KPNA1: variants seen among roughly 807,000 people sequenced by gnomAD.
KPNA1 encodes importin subunit alpha-5.
Under a neutral mutation model 70.5 loss-of-function variants are expected in KPNA1, and 10 were observed. The ratio of observed to expected loss-of-function variants is 0.14; its 90% confidence interval spans 0.09 to 0.24. The LOEUF is 0.24. Among genes scored for constraint, KPNA1 ranks in the 10% least tolerant of loss-of-function variants. The probability of loss-of-function intolerance (pLI) is 1.00; values close to 1 mark genes in which losing one functional copy is unlikely to be tolerated. For missense variants in KPNA1, 397 were observed against 637.9 expected (o/e 0.62, Z 4.07); for synonymous variants, 192 against 221.9 (o/e 0.87, Z 1.20).
intron 2 of KPNA1, among the ~76,000 whole-genome samples, chr3:122,489,884 ATTTGTCAGGT>A (rs1263601272): frequency 1.3e-5 from 2 of 152,146 alleles, no homozygotes; most frequent in Non-Finnish European, 2.9e-5. Context: ...CCTTGTTTTC[ATTTGTCAGGT>A]TAAGTATGGA....
intron 7 of KPNA1, 70 bp downstream of exon 7, chr3:122,451,906 C>T: frequency 3.2e-6 from 3 of 950,316 alleles, no homozygotes; most frequent in Non-Finnish European, 4.9e-6. Flanking sequence ...ACATGTAATG[C>T]TTTCTGAGGA....
chr3:122,496,194 T>A (rs1047044865), intron 2 of KPNA1, among the ~76,000 whole-genome samples: 3 of 152,138 alleles, frequency 2.0e-5, no homozygotes, highest in African/African-American at 7.2e-5. Context: ...GGTGAAAATA[T>A]TGAATAGTGT....
intron 1 of KPNA1, among the ~76,000 whole-genome samples, chr3:122,500,662 T>A (rs139661630): frequency 6.6e-6 from 1 of 151,848 alleles, no homozygotes; most frequent in African/African-American, 2.4e-5. Flanking sequence ...ATTATTATTA[T>A]ATATTGGGCT....
At chr3:122,495,726 CAAAAAAAAA>C (rs397876048) in intron 2 of KPNA1, among the ~76,000 whole-genome samples, 4 of 67,948 alleles carry the variant, frequency 5.9e-5, no homozygotes, top group Admixed American at 3.8e-4. Context: ...CTCTCCTTAG[CAAAAAAAAA>C]AAAAAAAAAA....
intron 1 of KPNA1, among the ~76,000 whole-genome samples, chr3:122,499,076 C>T (rs1003238769): frequency 2.6e-5 from 4 of 152,162 alleles, no homozygotes; most frequent in Non-Finnish European, 5.9e-5. Context: ...TTGTATTTTA[C>T]AATCCTGCTG....
intron 9 of KPNA1, among the ~76,000 whole-genome samples, chr3:122,444,240 A>G (rs1394112444): frequency 6.6e-6 from 1 of 152,170 alleles, no homozygotes; most frequent in African/African-American, 2.4e-5. Context: ...CCTGAAAATC[A>G]CTGTTATCTT....
intron 1 of KPNA1, 101 bp downstream of exon 1, chr3:122,514,656 C>G (rs1018292355): frequency 1.3e-5 from 2 of 152,234 alleles, no homozygotes; most frequent in African/African-American, 4.8e-5. Flanking sequence ...GCCCTGCCGG[C>G]ACCCGCCCTC....
chr3:122,469,804 T>C (rs1448083453), intron 2 of KPNA1, among the ~76,000 whole-genome samples: 2 of 152,170 alleles, frequency 1.3e-5, no homozygotes, highest in African/African-American at 2.4e-5. Flanking sequence ...ACACTGTACT[T>C]AACACATGAA....
intron 11 of KPNA1, among the ~76,000 whole-genome samples, chr3:122,436,800 TG>T (rs1288737289): frequency 1.3e-5 from 2 of 152,342 alleles, no homozygotes; most frequent in Admixed American, 1.3e-4. Flanking sequence ...TGTTTTGAGA[TG>T]GAGTCTTGCT....
intron 2 of KPNA1, among the ~76,000 whole-genome samples, chr3:122,485,793 G>A (rs2076622568): frequency 1.3e-5 from 2 of 151,980 alleles, no homozygotes; most frequent in South Asian, 4.1e-4. Flanking sequence ...AATATTAAAT[G>A]TTCGCACCAC....
chr3:122,462,789 T>G (rs2107746133), intron 4 of KPNA1, among the ~76,000 whole-genome samples: 1 of 152,330 alleles, frequency 6.6e-6, no homozygotes, highest in Non-Finnish European at 1.5e-5. Flanking sequence ...TTTAAATCAC[T>G]AATGACTCTA....
At chr3:122,472,111 T>G (rs1281966408) in intron 2 of KPNA1, among the ~76,000 whole-genome samples, 1 of 152,150 alleles carries the variant, frequency 6.6e-6, no homozygotes, top group African/African-American at 2.4e-5. Flanking sequence ...CATTCACAGA[T>G]TATGTCACAG....
intron 2 of KPNA1, among the ~76,000 whole-genome samples, chr3:122,484,805 T>A (rs770703815): frequency 6.6e-6 from 1 of 152,158 alleles, no homozygotes; most frequent in African/African-American, 2.4e-5. Flanking sequence ...TTCAACATAA[T>A]CCCAATCAAA....
chr3:122,435,432 C>T (rs1374091670), intron 11 of KPNA1, among the ~76,000 whole-genome samples: 1 of 152,024 alleles, frequency 6.6e-6, no homozygotes, highest in Non-Finnish European at 1.5e-5. Flanking sequence ...AATGGGTATC[C>T]AAAAATTCAT....
At chr3:122,513,777 C>T (rs1333215989) in intron 1 of KPNA1, among the ~76,000 whole-genome samples, 5 of 152,012 alleles carry the variant, frequency 3.3e-5, no homozygotes, top group Admixed American at 2.6e-4. Flanking sequence ...AAAAAAAATA[C>T]TCTGCAGAGC....
chr3:122,447,907 A>C (rs2076157653), intron 9 of KPNA1, among the ~76,000 whole-genome samples: 1 of 152,120 alleles, frequency 6.6e-6, no homozygotes, highest in African/African-American at 2.4e-5. Flanking sequence ...AAAGTACTTA[A>C]ACTAATTTAC....
In KPNA1 at chr3:122,496,570, T is replaced by C; in HGVS notation, c.-5A>G. ...CTCTTTTCCTGGGGTGGTCATGATT[T>C]CTACAATACAAGTGGGGAGAGAACA... On this transcript the variant is annotated splice_region_variant and 5_prime_UTR_variant, in exon 2 of 14. Coordinates refer to ENST00000344337, the MANE Select transcript of KPNA1 (RefSeq NM_002264.4). 6.2e-7 allele frequency: 1 copy of C among 1,613,348 alleles called. No individual in the cohort carries two copies. The highest frequency in any genetic ancestry group is 8.5e-7 in the Non-Finnish European group (1 of 1,179,542).
In KPNA1 at chr3:122,427,084, G is replaced by C. The variant is rs149030683; in HGVS notation, c.1518C>G (p.Thr506=). Residue 506 remains threonine, a synonymous_variant, in exon 14 of 14, where the codon ACC becomes ACG. Coordinates refer to ENST00000344337, the MANE Select transcript of KPNA1 (RefSeq NM_002264.4). ...GTGCAATGCTGCTGTCTTCATCTTC[G>C]GTCCCGAAGTAATGCTCAATAAGAT... ...AFDLIEHYFG[T]EDEDSSIAPQ... is the part of the protein sequence containing the mutation. The C allele has an allele frequency of 1.9e-6, 3 of 1,613,966 alleles. No homozygotes were observed. The highest frequency in any genetic ancestry group is 1.3e-5 in the African/African-American group (1 of 74,990).
At chr3:122,450,369 G>T (rs1024057784) in intron 8 of KPNA1, among the ~76,000 whole-genome samples, 2 of 152,080 alleles carry the variant, frequency 1.3e-5, no homozygotes, top group Admixed American at 6.5e-5. Flanking sequence ...ATCACCTGAG[G>T]TCTGGAGTTC....
Sources: gnomAD v4.1 joint callset for allele counts (sites outside exome capture counted in the v4.1 genomes callset) on GRCh38, gnomAD v4.1.1 for gene constraint, MANE v1.5 for transcripts, NCBI Gene and HGNC (gene_info 2026-07-23, HGNC 2026-07-21) for gene names.